ESS2: variants seen among roughly 807,000 people sequenced by gnomAD.
ESS2 encodes the protein splicing factor ESS-2 homolog.
Under a neutral mutation model 52.0 loss-of-function variants are expected in ESS2, and 31 were observed. The observed-to-expected ratio is 0.60, with a 90% CI of 0.45 to 0.81. ESS2 has a LOEUF of 0.81. Ranked by LOEUF, ESS2 falls within the 30% of genes least tolerant of loss-of-function variation. ESS2 has a pLI of 0.00. For synonymous variants in ESS2, 285 were observed against 259.2 expected (o/e 1.10, Z -0.95); for missense variants, 602 against 637.2 (o/e 0.94, Z 0.59).
chr22:19,135,025 C>A, intron 9 of ESS2, 35 bp downstream of exon 9: 1 of 1,594,008 alleles, frequency 6.3e-7, no homozygotes, highest in Non-Finnish European at 8.6e-7. Flanking sequence ...CCAGAGCCAC[C>A]CTCGCACTTC....
chr22:19,135,521 A>T (rs980093256), intron 8 of ESS2, among the ~76,000 whole-genome samples: 2 of 152,074 alleles, frequency 1.3e-5, no homozygotes, highest in African/African-American at 4.8e-5. Context: ...CCTGTGGCCT[A>T]TTTTGCTCTC....
At chr22:19,139,134 C>A in intron 6 of ESS2, 25 bp downstream of exon 6, 1 of 1,563,634 alleles carries the variant, frequency 6.4e-7, no homozygotes. Flanking sequence ...CTGGCCCATG[C>A]GGCCCTGCTG....
Position 19,134,361 on chromosome 22 carries a change from T to G in ESS2, c.1266A>C (p.Pro422=). Residue 422 remains proline (P), a synonymous_variant, in exon 10 of 10, where the codon CCA becomes CCC. Transcript: ENST00000252137. Reference sequence around the variant, plus strand: ...GGGTCTTGAGGTGGGTGGAGCGTGCTGGGGATGGTGTGTAGCTGGCCCGCA... The same window carrying G: ...GGGTCTTGAGGTGGGTGGAGCGTGCGGGGGATGGTGTGTAGCTGGCCCGCA... ...RALRASYTPS[P]ARSTHLKTPA... is the part of the protein sequence containing the mutation. The G allele has an allele frequency of 1.2e-6, 2 of 1,612,130 alleles. No individual in the cohort carries two copies. Among genetic ancestry groups the G allele is most frequent in the East Asian group, 2.2e-5 (1 of 44,794 alleles).
chr22:19,137,205 C>G (rs1401229222), intron 8 of ESS2, 118 bp downstream of exon 8: 2 of 721,164 alleles, frequency 2.8e-6, no homozygotes, highest in Non-Finnish European at 2.3e-6. Context: ...GAAAAGCCAG[C>G]ACTCTGCCCG....
Position 19,131,352 on chromosome 22 carries a change from C to T in ESS2, c.*2844G>A. 2 of 1,506,440 alleles carry T rather than the reference C, an allele frequency of 1.3e-6. No individual in the cohort carries two copies. The highest frequency in any genetic ancestry group is 1.3e-5 in the South Asian group (1 of 78,598). 93.3% of individuals were successfully genotyped at this position (1,506,440 alleles called of 1,614,324 possible). On this transcript the variant is annotated 3_prime_UTR_variant, in exon 10 of 10. Transcript: ENST00000252137. This position sits in a 1 kb window ranked among gnomAD's most constrained non-coding sequence, Gnocchi z 5.7. ...AATGAGGACAATGCCTGCTGGCCCA[C>T]ATGACGGGGGGATGTAGACGGCAGC...
intron 4 of ESS2, 61 bp downstream of exon 4, chr22:19,139,794 G>T: frequency 6.2e-7 from 1 of 1,613,876 alleles, no homozygotes; most frequent in Non-Finnish European, 8.5e-7. Flanking sequence ...ATGGCCCTGG[G>T]GCTCCCCAAC....
rs754875259 is a variant in ESS2, at chr22:19,131,419, TAAGG to T, written c.*2773_*2776del. The stretch of plus-strand genomic sequence containing the variant: ...GGCACCATGGACGATGCCACAGTCC[TAAGG>T]AAGAAGGGTTACATCGTAGGCATCA... On this transcript the variant is annotated 3_prime_UTR_variant, in exon 10 of 10. Coordinates refer to ENST00000252137, the MANE Select transcript of ESS2 (RefSeq NM_022719.3). This position sits in a 1 kb window ranked among gnomAD's most constrained non-coding sequence, Gnocchi z 5.7. The T allele has an allele frequency of 9.3e-6, 15 of 1,609,800 alleles. No homozygotes were observed. The highest frequency in any genetic ancestry group is 1.7e-5 in the Admixed American group (1 of 59,776).
rs373208788 is a variant in ESS2 at position 19,137,398 on chromosome 22, C to T, written c.960G>A (p.Glu320=). The part of the protein sequence containing the change: ...VNESPMMTWG[E]VENTPLRVEG... ...CAACTCTCAAGGGTGTGTTCTCAAC[C>T]TCCCCCCAGGTCATCATCGGGGACT... is the stretch of plus-strand genomic sequence containing the variant. The change falls in exon 8 of 10, where the codon GAG becomes GAA. Residue 320 remains glutamate (E), a synonymous_variant. Transcript: ENST00000252137. 1 of 1,613,622 alleles carries T rather than the reference C, an allele frequency of 6.2e-7. No individual in the cohort carries two copies. Among genetic ancestry groups the T allele is most frequent in the African/African-American group, 1.3e-5 (1 of 74,850 alleles).
chr22:19,134,435 G>T lies in ESS2; in HGVS notation c.1192C>A (p.Leu398Ile). The change falls in exon 10 of 10, where the codon CTA (leucine) becomes ATA (isoleucine). Residue 398 changes from leucine to isoleucine, a missense_variant. Transcript: ENST00000252137. ...GCCGTCCTGCTCACAAGGCGCTGTA[G>T]GGCTGGCGACATGGCTGGGCTCAGG... is the stretch of plus-strand genomic sequence containing the variant. ...KGLSPAMSPA[L>I]QRLVSRTASK... The T allele has an allele frequency of 6.3e-7, 1 of 1,593,144 alleles. No individual in the cohort carries two copies.
In ESS2 at chr22:19,144,547, T is replaced by C; in HGVS notation, c.94A>G (p.Thr32Ala). The C allele has an allele frequency of 6.2e-7, 1 of 1,609,110 alleles. No individual in the cohort carries two copies. The highest frequency in any genetic ancestry group is 1.7e-5 in the Admixed American group (1 of 59,826). ...TCGTCCAGGACCCGCTGCTTGCTCG[T>C]CGCAGCCCCAGCCTCTCCCGCCTCG... ...KREAGEAGAATSKQRVLDEEE... is the reference protein window; with the variant it reads ...KREAGEAGAAASKQRVLDEEE... The change falls in exon 1 of 10, where the codon ACG (threonine) becomes GCG (alanine). Residue 32 changes from threonine to alanine, a missense_variant. Coordinates refer to ENST00000252137, the MANE Select transcript of ESS2 (RefSeq NM_022719.3).
chr22:19,132,753 C>T lies in ESS2; in HGVS notation c.*1443G>A. On this transcript the variant is annotated 3_prime_UTR_variant, in exon 10 of 10. Coordinates refer to ENST00000252137, the MANE Select transcript of ESS2 (RefSeq NM_022719.3). The surrounding 1 kb of genome is among the most constrained non-coding windows in gnomAD (Gnocchi z 4.2). The stretch of plus-strand genomic sequence containing the variant: ...TTTCTCTGGGACTCAGCCAACCGCC[C>T]CACCTGACACACAGTGGTCTCCGGC... 1 of 437,126 alleles carries T rather than the reference C, an allele frequency of 2.3e-6. No individual in the cohort carries two copies. The highest frequency in any genetic ancestry group is 4.2e-6 in the Non-Finnish European group (1 of 240,694). 27.1% of individuals were successfully genotyped at this position (437,126 alleles called of 1,614,324 possible).
chr22:19,130,458 G>T lies in ESS2; in HGVS notation c.*3738C>A. 3.5e-6 allele frequency: 1 copy of T among 288,318 alleles called. No individual in the cohort carries two copies. 17.9% of individuals were successfully genotyped at this position (288,318 alleles called of 1,614,324 possible). On this transcript the variant is annotated 3_prime_UTR_variant, in exon 10 of 10. Transcript: ENST00000252137. ...GTAACTAATTTTGTTCCAAGGAGAA[G>T]GTCAGAGGCAAAAAAAATGCTTGCT...
rs2083498850 is a variant in ESS2, at chr22:19,130,763, A to G, written c.*3433T>C. On this transcript the variant is annotated 3_prime_UTR_variant, in exon 10 of 10. Coordinates refer to ENST00000252137, the MANE Select transcript of ESS2 (RefSeq NM_022719.3). ...CTCCTGCTGACCATGTTTCATTTCTAGCTTTGATGTCTGGGCACTGATTTC... is the reference window on the plus strand; with the variant it reads ...CTCCTGCTGACCATGTTTCATTTCTGGCTTTGATGTCTGGGCACTGATTTC... 4.8e-6 allele frequency: 1 copy of G among 208,044 alleles called. No individual in the cohort carries two copies. The highest frequency in any genetic ancestry group is 7.1e-5 in the South Asian group (1 of 14,154). 12.9% of individuals were successfully genotyped at this position (208,044 alleles called of 1,614,324 possible).
chr22:19,137,269 G>A (rs2083599057), intron 8 of ESS2, 54 bp downstream of exon 8: 1 of 1,333,792 alleles, frequency 7.5e-7, no homozygotes, highest in Non-Finnish European at 1.1e-6. Context: ...GGCACTCAGG[G>A]CTCCAGAGGT....
chr22:19,142,935 G>A (rs763323663), intron 1 of ESS2, 41 bp from the exon 2 acceptor site: 95 of 1,582,124 alleles, frequency 6.0e-5, no homozygotes, highest in Admixed American at 2.1e-4. Flanking sequence ...GGCCAGGCGC[G>A]GTGGCTCACA....
chr22:19,136,800 T>A (rs1659193373), intron 8 of ESS2, among the ~76,000 whole-genome samples: 1 of 152,134 alleles, frequency 6.6e-6, no homozygotes, highest in African/African-American at 2.4e-5. Context: ...TTACCTGTAC[T>A]AAGTATTCTG....
intron 1 of ESS2, 172 bp downstream of exon 1, chr22:19,144,334 C>A: frequency 7.0e-6 from 10 of 1,419,506 alleles, no homozygotes; most frequent in Non-Finnish European, 8.3e-6. Flanking sequence ...ACAGCCTCTT[C>A]CACCACAGAC....
intron 6 of ESS2, among the ~76,000 whole-genome samples, chr22:19,138,955 G>A (rs900356956): frequency 7.2e-5 from 11 of 152,212 alleles, no homozygotes; most frequent in Admixed American, 3.9e-4. Context: ...CACAGATCTG[G>A]ACCTACAGAA....
At position 19,144,646 on chromosome 22, in the gene ESS2, T is replaced by C; in HGVS notation, c.-6A>G. 1 of 1,502,754 alleles carries C rather than the reference T, an allele frequency of 6.7e-7. No individual in the cohort carries two copies. 93.1% of individuals were successfully genotyped at this position (1,502,754 alleles called of 1,614,324 possible). A position where few individuals can be genotyped will look rare whatever the true frequency, so the allele number is the denominator to read the frequency against. On this transcript the variant is annotated 5_prime_UTR_variant, in exon 1 of 10. Coordinates refer to ENST00000252137, the MANE Select transcript of ESS2 (RefSeq NM_022719.3). ...GATGCGCCCGGCGTCTCCATCGCTA[T>C]CCCAGGAAAAAGCTCGGGCCCAGCA...
Sources: allele counts gnomAD v4.1 joint callset (sites outside exome capture counted in the v4.1 genomes callset), GRCh38; gene constraint gnomAD v4.1.1; non-coding constraint Gnocchi (gnomAD v3.1); transcripts MANE v1.5; gene names NCBI Gene and HGNC (gene_info 2026-07-23, HGNC 2026-07-21).